ADGRB3: variants seen among roughly 807,000 people sequenced by gnomAD.
ADGRB3 encodes the protein adhesion G protein-coupled receptor B3.
ADGRB3 carries 37 observed loss-of-function variants against 193.4 expected under a neutral mutation model. The ratio of observed to expected loss-of-function variants is 0.19; its 90% CI spans 0.15 to 0.25. The LOEUF is 0.25. ADGRB3 is among the 10% of genes least tolerant of loss of function. ADGRB3 has a pLI of 1.00. For missense variants in ADGRB3, 1,637 were observed against 1,852.9 expected (o/e 0.88, Z 2.14); for synonymous variants, 690 against 644.2 (o/e 1.07, Z -1.08).
chr6:69,072,313 A>G (rs1582439763), intron 16 of ADGRB3, among the ~76,000 whole-genome samples: 2 of 152,286 alleles, frequency 1.3e-5, no homozygotes, highest in South Asian at 4.1e-4. Context: ...TGGTGTTTAA[A>G]TTTTCATAAC....
At chr6:69,379,373 A>AT (rs879656285) in intron 30 of ADGRB3, among the ~76,000 whole-genome samples, 3 of 152,156 alleles carry the variant, frequency 2.0e-5, no homozygotes, top group South Asian at 4.1e-4. Context: ...GTCACTAAAC[A>AT]TAAAAAACAG....
At chr6:69,109,150 T>C (rs1306508453) in intron 17 of ADGRB3, among the ~76,000 whole-genome samples, 1 of 151,434 alleles carries the variant, frequency 6.6e-6, no homozygotes, top group African/African-American at 2.4e-5. Context: ...TTGGATTATG[T>C]TATTTCTCTT....
At chr6:69,077,435 A>C (rs555880439) in intron 17 of ADGRB3, among the ~76,000 whole-genome samples, 2 of 152,020 alleles carry the variant, frequency 1.3e-5, no homozygotes, top group African/African-American at 2.4e-5. Context: ...ACTTTGACTT[A>C]GTTTTATTAT....
At chr6:69,149,276 C>T (rs953581729) in intron 17 of ADGRB3, among the ~76,000 whole-genome samples, 4 of 151,940 alleles carry the variant, frequency 2.6e-5, no homozygotes, top group Non-Finnish European at 4.4e-5. Context: ...AACAGCCTGT[C>T]TTCAAGCTCA....
chr6:68,788,299 T>A (rs1330722887), intron 3 of ADGRB3, among the ~76,000 whole-genome samples: 1 of 152,222 alleles, frequency 6.6e-6, no homozygotes, highest in African/African-American at 2.4e-5. Flanking sequence ...TTTAGTGCTA[T>A]AAATTTCCTT....
intron 3 of ADGRB3, among the ~76,000 whole-genome samples, chr6:68,799,210 A>G (rs1214885763): frequency 1.3e-5 from 2 of 152,226 alleles, no homozygotes; most frequent in East Asian, 3.8e-4. Flanking sequence ...TACACTCACA[A>G]GCATAAACAA....
intron 3 of ADGRB3, among the ~76,000 whole-genome samples, chr6:68,882,234 ATATATT>A (rs1166058103): frequency 6.6e-6 from 1 of 152,196 alleles, no homozygotes; most frequent in Non-Finnish European, 1.5e-5. Context: ...ACAAGGAAAA[ATATATT>A]TAGATTGTAG....
intron 3 of ADGRB3, among the ~76,000 whole-genome samples, chr6:68,722,049 A>C (rs560819484): frequency 1.3e-5 from 2 of 151,540 alleles, no homozygotes; most frequent in East Asian, 2.0e-4. Flanking sequence ...ATGTTTTTTT[A>C]GTTATCTAAC....
chr6:68,949,801 T>G (rs191981259), intron 6 of ADGRB3, among the ~76,000 whole-genome samples: 59 of 152,322 alleles, frequency 3.9e-4, no homozygotes, highest in Admixed American at 6.5e-4. Context: ...GTTCTTAGCT[T>G]AAAAGATTTT....
intron 17 of ADGRB3, among the ~76,000 whole-genome samples, chr6:69,206,558 A>G (rs775607088): frequency 3.3e-5 from 5 of 152,222 alleles, no homozygotes; most frequent in Non-Finnish European, 5.9e-5. Flanking sequence ...TATGTCTAAC[A>G]TAATACAACT....
chr6:69,077,358 G>A (rs913656699), intron 17 of ADGRB3, among the ~76,000 whole-genome samples: 5 of 149,316 alleles, frequency 3.3e-5, no homozygotes, highest in East Asian at 3.9e-4. Context: ...GAATGTTTTC[G>A]GCCCAAGAAA....
Position 69,111,374 on chromosome 6 carries a change from A to G in ADGRB3, c.2480+35336A>G, listed in dbSNP as rs1582468681. On this transcript the variant is annotated intron_variant, in intron 17 of 31. Transcript: ENST00000370598. ...TACATGTCTTTAGTCTGTCTGATCTATCCACACTTCTTGGCTTTTCATGGA... is the reference window on the plus strand; with the variant it reads ...TACATGTCTTTAGTCTGTCTGATCTGTCCACACTTCTTGGCTTTTCATGGA... Among the ~76,000 whole-genome samples the G allele has an allele frequency of 1.3e-5, 2 of 152,186 alleles. 1 individual carries two copies. Among genetic ancestry groups the G allele is most frequent in the South Asian group, 4.1e-4 (2 of 4,832 alleles).
intron 20 of ADGRB3, among the ~76,000 whole-genome samples, chr6:69,261,059 A>AT (rs977949208): frequency 5.9e-5 from 9 of 152,186 alleles, no homozygotes; most frequent in South Asian, 4.1e-4. Flanking sequence ...TCACCTCCAC[A>AT]TTTTTTTACT....
At chr6:69,291,898 A>G (rs1409822766) in intron 20 of ADGRB3, among the ~76,000 whole-genome samples, 1 of 152,168 alleles carries the variant, frequency 6.6e-6, no homozygotes, top group East Asian at 1.9e-4. Context: ...GCCCTGAAAC[A>G]AGTCATAAGA....
intron 20 of ADGRB3, among the ~76,000 whole-genome samples, chr6:69,322,564 A>G (rs1768482304): frequency 6.6e-6 from 1 of 151,886 alleles, no homozygotes; most frequent in Non-Finnish European, 1.5e-5. Context: ...ATGAGATGGT[A>G]TCTCACTCAC....
chr6:69,209,438 G>A (rs1166514942), intron 17 of ADGRB3, among the ~76,000 whole-genome samples: 1 of 152,190 alleles, frequency 6.6e-6, no homozygotes, highest in Non-Finnish European at 1.5e-5. Context: ...CTGAATTTTA[G>A]TCATATTTAT....
chr6:69,322,642 G>A (rs907076379), intron 20 of ADGRB3, among the ~76,000 whole-genome samples: 2 of 151,822 alleles, frequency 1.3e-5, no homozygotes, highest in African/African-American at 4.8e-5. Flanking sequence ...CTTGTTGGCC[G>A]AGTGTTTGAT....
chr6:68,867,839 C>T (rs181280681), intron 3 of ADGRB3, among the ~76,000 whole-genome samples: 5 of 152,270 alleles, frequency 3.3e-5, no homozygotes, highest in African/African-American at 9.6e-5. Context: ...GCCTGTAGAC[C>T]ATTGCTTTTG....
At position 68,944,004 on chromosome 6, in the gene ADGRB3, T is replaced by C; in HGVS notation, c.1195+10T>C. The C allele has an allele frequency of 6.3e-7, 1 of 1,588,274 alleles. No homozygotes were observed. The highest frequency in any genetic ancestry group is 8.6e-7 in the Non-Finnish European group (1 of 1,162,312). ...ATTGCTCTTTGCCCAGGTGAGCCTA[T>C]TCTGCATTTGGTTATGTTTGCATTA... On this transcript the variant is annotated intron_variant, in intron 6 of 31. Transcript: ENST00000370598.
Sources: allele counts gnomAD v4.1 joint callset (sites outside exome capture counted in the v4.1 genomes callset), GRCh38; gene constraint gnomAD v4.1.1; transcripts MANE v1.5; gene names NCBI Gene and HGNC (gene_info 2026-07-23, HGNC 2026-07-21).